AUTS2: variants seen among roughly 807,000 people sequenced by gnomAD.
AUTS2 encodes activator of transcription and developmental regulator AUTS2, also known as autism susceptibility gene 2 protein.
Under a neutral mutation model 112.4 loss-of-function variants are expected in AUTS2, and 17 were observed. The ratio of observed to expected loss-of-function variants is 0.15; its 90% CI spans 0.10 to 0.23. AUTS2 has a LOEUF of 0.23. AUTS2 is among the 10% of genes least tolerant of loss of function. AUTS2 has a pLI of 1.00. For synonymous variants in AUTS2, 751 were observed against 702.7 expected, an observed-to-expected ratio of 1.07 and a Z score of -1.09; for missense variants, 1,510 against 1,701.6, an observed-to-expected ratio of 0.89 and a Z score of 1.98.
chr7:70,538,198 C>T (rs746545817), intron 5 of AUTS2, among the ~76,000 whole-genome samples: 1 of 152,130 alleles, frequency 6.6e-6, no homozygotes, highest in Non-Finnish European at 1.5e-5. Flanking sequence ...GATTGCACCA[C>T]TGTACTTCAG....
chr7:69,823,128 C>G (rs1219668470), intron 1 of AUTS2, among the ~76,000 whole-genome samples: 1 of 152,098 alleles, frequency 6.6e-6, no homozygotes, highest in Non-Finnish European at 1.5e-5. Flanking sequence ...GTAAAAAAAA[C>G]GAAGTCATCA....
chr7:69,941,634 AT>A (rs1158353655), intron 2 of AUTS2, among the ~76,000 whole-genome samples: 2 of 142,088 alleles, frequency 1.4e-5, no homozygotes, highest in Non-Finnish European at 3.1e-5. Flanking sequence ...ATATTTTGAT[AT>A]TTGATCAAAC....
At chr7:70,623,364 A>C (rs2129537005) in intron 5 of AUTS2, among the ~76,000 whole-genome samples, 1 of 152,292 alleles carries the variant, frequency 6.6e-6, no homozygotes, top group African/African-American at 2.4e-5. Flanking sequence ...TCTTTTATGA[A>C]ACTTTGCAAA....
intron 5 of AUTS2, among the ~76,000 whole-genome samples, chr7:70,597,333 A>G (rs1803257413): frequency 6.6e-6 from 1 of 152,220 alleles, no homozygotes; most frequent in Non-Finnish European, 1.5e-5. Context: ...CTGCCGGGGT[A>G]TTAACCCCGA....
chr7:69,811,946 G>C (rs1248467296), intron 1 of AUTS2, among the ~76,000 whole-genome samples: 1 of 152,222 alleles, frequency 6.6e-6, no homozygotes, highest in Admixed American at 6.5e-5. Context: ...TTGAATCAAT[G>C]CATGAATGAA....
rs111374604 is a variant in AUTS2 at position 70,177,231 on chromosome 7, T to C, written c.660+42660T>C. ...TGTGCCAAGTACTGTTCTAAGCATGTTTCAAGTAATAACTCACTTCTTCAC... is the reference window on the plus strand; with the variant it reads ...TGTGCCAAGTACTGTTCTAAGCATGCTTCAAGTAATAACTCACTTCTTCAC... On this transcript the variant is annotated intron_variant, in intron 4 of 18. Coordinates refer to ENST00000342771, the MANE Select transcript of AUTS2 (RefSeq NM_015570.4). Among the ~76,000 whole-genome samples the C allele has an allele frequency of 6.0e-3, 912 of 152,294 alleles. 14 individuals are homozygous for C. The highest frequency in any genetic ancestry group is 0.021 in the African/African-American group (868 of 41,566).
intron 1 of AUTS2, among the ~76,000 whole-genome samples, chr7:69,668,542 A>T (rs560857456): frequency 6.6e-6 from 1 of 152,324 alleles, no homozygotes; most frequent in Non-Finnish European, 1.5e-5. Flanking sequence ...CTTTGTGAGG[A>T]TATCCTGTCA....
intron 1 of AUTS2, among the ~76,000 whole-genome samples, chr7:69,659,387 T>A (rs1412363853): frequency 6.6e-6 from 1 of 152,000 alleles, no homozygotes. Flanking sequence ...AGAGTGTAAT[T>A]TTTTTTTCTG....
At chr7:69,748,293 G>A (rs958891229) in intron 1 of AUTS2, among the ~76,000 whole-genome samples, 1 of 152,172 alleles carries the variant, frequency 6.6e-6, no homozygotes, top group South Asian at 2.1e-4. Flanking sequence ...GCGTGTGTGG[G>A]GAGACCATAT....
chr7:69,737,621 G>A (rs1417303995), intron 1 of AUTS2, among the ~76,000 whole-genome samples: 1 of 152,158 alleles, frequency 6.6e-6, no homozygotes, highest in Non-Finnish European at 1.5e-5. Context: ...GCTCCTGGGA[G>A]GAGCAGCCTG....
rs183993195 is a variant in AUTS2, at chr7:70,111,920, C to T, written c.523-6212C>T. Among the ~76,000 whole-genome samples, 1,313 of 151,862 alleles carry T rather than the reference C, an allele frequency of 8.6e-3. 11 individuals are homozygous for T. Among genetic ancestry groups the T allele is most frequent in the Middle Eastern group, 0.02 (6 of 294 alleles). ...GGTGTATCTCATATCTTTATGGGTT[C>T]CCCCCAGATTATACTATAGTTTACT... On this transcript the variant is annotated intron_variant, in intron 2 of 18. Coordinates refer to ENST00000342771, the MANE Select transcript of AUTS2 (RefSeq NM_015570.4).
chr7:70,545,057 C>T (rs921244711), intron 5 of AUTS2, among the ~76,000 whole-genome samples: 5 of 152,200 alleles, frequency 3.3e-5, no homozygotes, highest in African/African-American at 1.2e-4. Context: ...TTCATCCTAG[C>T]TCTTTCATCC....
intron 14 of AUTS2, 26 bp downstream of exon 14, chr7:70,777,200 G>T (rs778019735): frequency 6.2e-7 from 1 of 1,602,582 alleles, no homozygotes; most frequent in East Asian, 2.2e-5. Context: ...GTGGTGTAGG[G>T]AAGAATGGGA....
In AUTS2 at chr7:70,319,356, G is replaced by T. The variant is rs182822081; in HGVS notation, c.661-116396G>T. 6.6e-5 allele frequency among the ~76,000 whole-genome samples: 10 copies of T among 152,262 alleles called. No homozygotes were observed. The East Asian group carries it at 1.9e-3, about 29-fold the overall frequency. On this transcript the variant is annotated intron_variant, in intron 4 of 18. Coordinates refer to ENST00000342771, the MANE Select transcript of AUTS2 (RefSeq NM_015570.4). ...TAATGATCCCATTTCAGATCTGCAG[G>T]TCTATTTTAATGAAAGGAGACAGGT...
chr7:69,880,354 A>G (rs547899207), intron 1 of AUTS2, among the ~76,000 whole-genome samples: 1 of 152,338 alleles, frequency 6.6e-6, no homozygotes, highest in Non-Finnish European at 1.5e-5. Context: ...GCCAAACCAT[A>G]TCACCCAGCT....
At chr7:70,174,061 G>C (rs923672722) in intron 4 of AUTS2, among the ~76,000 whole-genome samples, 1 of 152,224 alleles carries the variant, frequency 6.6e-6, no homozygotes, top group African/African-American at 2.4e-5. Flanking sequence ...GCCAAGATGG[G>C]CTGAAAGCTA....
intron 1 of AUTS2, among the ~76,000 whole-genome samples, chr7:69,730,393 G>A (rs1786741251): frequency 6.6e-6 from 1 of 151,892 alleles, no homozygotes; most frequent in African/African-American, 2.4e-5. Context: ...GTCCCCACCT[G>A]CCCCCCAATA....
chr7:70,091,250 CT>C (rs1803906166), intron 2 of AUTS2, among the ~76,000 whole-genome samples: 1 of 152,064 alleles, frequency 6.6e-6, no homozygotes, highest in Non-Finnish European at 1.5e-5. Flanking sequence ...TTAAGAATTT[CT>C]TTTATCACTA....
intron 4 of AUTS2, among the ~76,000 whole-genome samples, chr7:70,352,391 CT>C (rs1178795313): frequency 6.6e-6 from 1 of 152,164 alleles, no homozygotes; most frequent in Admixed American, 6.6e-5. Context: ...GGCTGCAATC[CT>C]TTTTTTCCTA....
Sources: allele counts gnomAD v4.1 joint callset (sites outside exome capture counted in the v4.1 genomes callset), GRCh38; gene constraint gnomAD v4.1.1; transcripts MANE v1.5; gene names NCBI Gene and HGNC (gene_info 2026-07-23, HGNC 2026-07-21).